The following IMMP2L variants were observed in gnomAD, a reference collection of about 807,000 sequenced individuals.
IMMP2L encodes mitochondrial inner membrane protease subunit 2.
In IMMP2L, 18 loss-of-function variants were observed where a neutral mutation model predicts 19.3. The ratio of observed to expected loss-of-function variants is 0.93; its 90% CI spans 0.64 to 1.38. The LOEUF is 1.38. Among genes scored for constraint, IMMP2L ranks in the 40% most tolerant of loss-of-function variants. IMMP2L has a pLI of 0.00. For synonymous variants in IMMP2L, 76 were observed against 73.0 expected (o/e 1.04, Z -0.21); for missense variants, 233 against 218.2 (o/e 1.07, Z -0.43).
intron 3 of IMMP2L, among the ~76,000 whole-genome samples, chr7:111,052,787 A>C (rs2129573127): frequency 6.6e-6 from 1 of 152,240 alleles, no homozygotes; most frequent in African/African-American, 2.4e-5. Flanking sequence ...TAGTAGTATC[A>C]ATAGCCTGCC....
intron 3 of IMMP2L, among the ~76,000 whole-genome samples, chr7:111,421,291 A>C (rs1475212112): frequency 1.7e-5 from 2 of 115,646 alleles, no homozygotes; most frequent in East Asian, 4.9e-4. Flanking sequence ...TTTTTTTGAG[A>C]CGGAGTCTCG....
At chr7:111,355,980 C>G (rs1828661486) in intron 3 of IMMP2L, among the ~76,000 whole-genome samples, 1 of 151,680 alleles carries the variant, frequency 6.6e-6, no homozygotes, top group South Asian at 2.1e-4. Context: ...AAACAAACTC[C>G]AAAGGGCAAT....
intron 3 of IMMP2L, among the ~76,000 whole-genome samples, chr7:111,482,569 G>A (rs903630488): frequency 2.0e-5 from 3 of 151,954 alleles, no homozygotes; most frequent in Non-Finnish European, 4.4e-5. Context: ...AATTTGACTC[G>A]GTAGACTTAT....
chr7:111,241,231 C>A (rs1209240313), intron 3 of IMMP2L, among the ~76,000 whole-genome samples: 1 of 151,814 alleles, frequency 6.6e-6, no homozygotes, highest in African/African-American at 2.4e-5. Flanking sequence ...CTCCAAGTCA[C>A]TATGGATGTG....
chr7:111,179,015 T>C (rs966863257), intron 3 of IMMP2L, among the ~76,000 whole-genome samples: 2 of 152,070 alleles, frequency 1.3e-5, no homozygotes, highest in Non-Finnish European at 2.9e-5. Context: ...TTATTTATGA[T>C]AGCTAGAGCC....
At chr7:111,330,862 A>C (rs1825806551) in intron 3 of IMMP2L, among the ~76,000 whole-genome samples, 2 of 151,944 alleles carry the variant, frequency 1.3e-5, no homozygotes, top group African/African-American at 4.8e-5. Context: ...AATGCAAATT[A>C]AAGACCACAA....
At chr7:111,472,863 A>G (rs1304714518) in intron 3 of IMMP2L, among the ~76,000 whole-genome samples, 1 of 152,064 alleles carries the variant, frequency 6.6e-6, no homozygotes, top group Non-Finnish European at 1.5e-5. Context: ...TGGGAGGCTG[A>G]GGTGGGTGGA....
At chr7:110,972,971 T>C (rs1317412249) in intron 3 of IMMP2L, among the ~76,000 whole-genome samples, 1 of 152,112 alleles carries the variant, frequency 6.6e-6, no homozygotes, top group African/African-American at 2.4e-5. Context: ...GAAAAACTTC[T>C]ATTGTTTGTA....
intron 4 of IMMP2L, among the ~76,000 whole-genome samples, chr7:110,957,519 T>C (rs1422333288): frequency 6.6e-6 from 1 of 151,930 alleles, no homozygotes; most frequent in Non-Finnish European, 1.5e-5. Context: ...TCTTTAAAAA[T>C]GCCAATCAGA....
chr7:110,673,752 C>T (rs1792087067), intron 5 of IMMP2L, among the ~76,000 whole-genome samples: 1 of 152,132 alleles, frequency 6.6e-6, no homozygotes, highest in African/African-American at 2.4e-5. Flanking sequence ...CATCTGAGAC[C>T]ACCTCAGCCT....
chr7:111,263,756 A>G (rs1026951676), intron 3 of IMMP2L, among the ~76,000 whole-genome samples: 12 of 152,150 alleles, frequency 7.9e-5, no homozygotes, highest in African/African-American at 2.7e-4. Context: ...AGGAGTAAGC[A>G]AAGATGACTG....
intron 3 of IMMP2L, among the ~76,000 whole-genome samples, chr7:111,088,342 AC>A (rs1796531994): frequency 1.3e-5 from 2 of 152,116 alleles, no homozygotes; most frequent in Admixed American, 1.3e-4. Flanking sequence ...CATCTAGGAA[AC>A]CCTGTAGACA....
At chr7:111,323,538 T>C (rs1262949495) in intron 3 of IMMP2L, among the ~76,000 whole-genome samples, 14 of 152,092 alleles carry the variant, frequency 9.2e-5, no homozygotes. Context: ...TTTACACTGT[T>C]GGTAGGACTG....
rs60343995 is a variant in IMMP2L at position 110,843,986 on chromosome 7, C to T, written c.408+42607G>A. Among the ~76,000 whole-genome samples the T allele has an allele frequency of 2.0e-3, 298 of 152,172 alleles. 1 individual carries two copies. The highest frequency in any genetic ancestry group is 6.0e-3 in the African/African-American group (251 of 41,548). On this transcript the variant is annotated intron_variant, in intron 5 of 5. Coordinates refer to ENST00000405709, the MANE Select transcript of IMMP2L (RefSeq NM_032549.4). ...CTGCAGACTGTTACAGACTGGGTTT[C>T]GTGCTAAGACTTAGGATCTAAGTGA...
At position 111,482,605 on chromosome 7, in the gene IMMP2L, T is replaced by C. The variant is rs143625259; in HGVS notation, c.239+4633A>G. Among the ~76,000 whole-genome samples, 567 of 152,244 alleles carry C rather than the reference T, an allele frequency of 3.7e-3. 2 individuals are homozygous for C. The highest frequency in any genetic ancestry group is 0.013 in the African/African-American group (547 of 41,544). On this transcript the variant is annotated intron_variant, in intron 3 of 5. Transcript: ENST00000405709. ...TTCTAGAATCCCTGAACCCTTGTAG[T>C]CATGACCCAAGTATGTGGTTCCAAG...
chr7:110,881,996 C>T (rs570478103), intron 5 of IMMP2L, among the ~76,000 whole-genome samples: 25 of 152,266 alleles, frequency 1.6e-4, no homozygotes, highest in African/African-American at 5.8e-4. Flanking sequence ...ATACCCCCAT[C>T]TAGAGTATTT....
intron 1 of IMMP2L, among the ~76,000 whole-genome samples, chr7:111,546,055 TG>T (rs1229306356): frequency 1.3e-5 from 2 of 152,140 alleles, no homozygotes; most frequent in African/African-American, 4.8e-5. Context: ...ATATATAAAC[TG>T]CCTTATTTTT....
intron 3 of IMMP2L, among the ~76,000 whole-genome samples, chr7:111,121,737 C>T (rs538368517): frequency 6.6e-6 from 1 of 152,252 alleles, no homozygotes; most frequent in South Asian, 2.1e-4. Context: ...TGGGTATATA[C>T]CCAAAGGACT....
At position 111,534,301 on chromosome 7, in the gene IMMP2L, CAGTAG is replaced by C. The variant is rs148071199; in HGVS notation, c.-2-12857_-2-12853del. Among the ~76,000 whole-genome samples, 528 of 152,122 alleles carry C rather than the reference CAGTAG, an allele frequency of 3.5e-3. 6 individuals carry two copies. Among genetic ancestry groups the C allele is most frequent in the South Asian group, 0.016 (79 of 4,820 alleles). On this transcript the variant is annotated intron_variant, in intron 1 of 5. Coordinates refer to ENST00000405709, the MANE Select transcript of IMMP2L (RefSeq NM_032549.4). ...ATGTAAATAAATTATGACATGCATA[CAGTAG>C]AGTAATCTGCAATCATTAAAAAGAA... is the stretch of plus-strand genomic sequence containing the variant.
Sources: gnomAD v4.1 joint callset for allele counts (sites outside exome capture counted in the v4.1 genomes callset) on GRCh38, gnomAD v4.1.1 for gene constraint, MANE v1.5 for transcripts, NCBI Gene and HGNC (gene_info 2026-07-23, HGNC 2026-07-21) for gene names.